LAMTOR3: variants seen among roughly 807,000 people sequenced by gnomAD.
The protein encoded by LAMTOR3 is late endosomal/lysosomal adaptor, MAPK and MTOR activator 3.
Under a neutral mutation model 20.3 loss-of-function variants are expected in LAMTOR3, and 14 were observed. The observed-to-expected ratio is 0.69, with a 90% CI of 0.46 to 1.08. LAMTOR3 has a LOEUF of 1.08. Among genes scored for constraint, LAMTOR3 ranks in the 50% least tolerant of loss-of-function variants. LAMTOR3 has a pLI of 0.00. For missense variants in LAMTOR3, 125 were observed against 143.7 expected, an observed-to-expected ratio of 0.87 and a Z score of 0.67; for synonymous variants, 40 against 49.4, an observed-to-expected ratio of 0.81 and a Z score of 0.80.
chr4:99,890,962 A>T (rs544359438), intron 3 of LAMTOR3, among the ~76,000 whole-genome samples: 2 of 152,322 alleles, frequency 1.3e-5, no homozygotes, highest in African/African-American at 4.8e-5. Flanking sequence ...TGAGATCCCC[A>T]TTGTCTGAAA....
Position 99,893,889 on chromosome 4 carries a change from C to A in LAMTOR3, c.9+66G>T, listed in dbSNP as rs570013140. On this transcript the variant is annotated intron_variant, in intron 2 of 6. Transcript: ENST00000499666. ...TTTCTGTTTGGGAAGTTCTACCTCT[C>A]CCCGCTCAGTATGCCCCTCAAAATT... 7.6e-6 allele frequency: 10 copies of A among 1,307,566 alleles called. No individual in the cohort carries two copies. In the East Asian group the frequency reaches 2.2e-4, roughly 29 times the overall value. The allele number at this position is 1,307,566 out of a possible 1,614,324, so 81.0% of individuals were successfully genotyped here.
In LAMTOR3 at chr4:99,879,484, G is replaced by C. The variant is rs1226310968; in HGVS notation, c.*2510C>G. 6.6e-6 allele frequency: 1 copy of C among 152,034 alleles called. No homozygotes were observed. The highest frequency in any genetic ancestry group is 1.5e-5 in the Non-Finnish European group (1 of 68,004). The allele number at this position is 152,034 out of a possible 1,614,324, so 9.4% of individuals were successfully genotyped here. A position where few individuals can be genotyped will look rare whatever the true frequency, so the allele number is the denominator to read the frequency against. On this transcript the variant is annotated 3_prime_UTR_variant, in exon 7 of 7. Transcript: ENST00000499666. Reference sequence around the variant, plus strand: ...ATTATTATCTGCAAATAGAAATCTGGCCACCTCATTTCTAAAAGACATTGT... The same window carrying C: ...ATTATTATCTGCAAATAGAAATCTGCCCACCTCATTTCTAAAAGACATTGT...
rs1367746811 is a variant in LAMTOR3 at position 99,881,665 on chromosome 4, G to C, written c.*329C>G. On this transcript the variant is annotated 3_prime_UTR_variant, in exon 7 of 7. Transcript: ENST00000499666. ...CAATTGGCAGCACTTAACGGCTCAA[G>C]TGGATCAATGTACCAGTTTGATTCT... The C allele has an allele frequency of 1.8e-5, 4 of 227,154 alleles. No homozygotes were observed. The highest frequency in any genetic ancestry group is 9.2e-5 in the African/African-American group (4 of 43,670). 14.1% of individuals were successfully genotyped at this position (227,154 alleles called of 1,614,324 possible).
At chr4:99,894,166 C>A (rs533130442) in intron 1 of LAMTOR3, among the ~76,000 whole-genome samples, 166 bp from the exon 2 acceptor site, 16 of 152,266 alleles carry the variant, frequency 1.1e-4, no homozygotes, top group African/African-American at 2.6e-4. Flanking sequence ...AGCACCCCCA[C>A]AGGTACTCAG....
At chr4:99,893,302 C>G (rs752160821) in intron 2 of LAMTOR3, among the ~76,000 whole-genome samples, 1 of 152,112 alleles carries the variant, frequency 6.6e-6, no homozygotes, top group African/African-American at 2.4e-5. Context: ...ACTAAGCAAC[C>G]GCATTGGCCA....
chr4:99,890,831 A>G (rs1725008562), intron 3 of LAMTOR3, among the ~76,000 whole-genome samples: 1 of 152,196 alleles, frequency 6.6e-6, no homozygotes, highest in African/African-American at 2.4e-5. Flanking sequence ...TCAACATTAG[A>G]ACTACTCAGT....
At chr4:99,886,507 G>T (rs932959785) in intron 4 of LAMTOR3, among the ~76,000 whole-genome samples, 1 of 152,166 alleles carries the variant, frequency 6.6e-6, no homozygotes, top group Non-Finnish European at 1.5e-5. Flanking sequence ...ACAAATTCAT[G>T]CAGTTTATTA....
chr4:99,893,942 G>A lies in LAMTOR3; in HGVS notation c.9+13C>T, dbSNP rs1371687255. The A allele has an allele frequency of 1.3e-6, 2 of 1,531,132 alleles. No individual in the cohort carries two copies. The highest frequency in any genetic ancestry group is 8.8e-7 in the Non-Finnish European group (1 of 1,133,138). The allele number at this position is 1,531,132 out of a possible 1,614,324, so 94.8% of individuals were successfully genotyped here. A position where few individuals can be genotyped will look rare whatever the true frequency, so the allele number is the denominator to read the frequency against. On this transcript the variant is annotated intron_variant, in intron 2 of 6. Coordinates refer to ENST00000499666, the MANE Select transcript of LAMTOR3 (RefSeq NM_021970.4). ...CCACTCTCCCCTTCCTCTTATGTAGGGGTGTCACTCACATCCGCCATGATG... is the reference window on the plus strand; with the variant it reads ...CCACTCTCCCCTTCCTCTTATGTAGAGGTGTCACTCACATCCGCCATGATG...
chr4:99,891,503 T>G (rs565907126), intron 3 of LAMTOR3, among the ~76,000 whole-genome samples: 2 of 152,216 alleles, frequency 1.3e-5, no homozygotes, highest in Non-Finnish European at 2.9e-5. Flanking sequence ...ATCATTTCTT[T>G]CAAAGTATGT....
intron 3 of LAMTOR3, among the ~76,000 whole-genome samples, chr4:99,891,518 G>T (rs1725022042): frequency 6.6e-6 from 1 of 152,142 alleles, no homozygotes; most frequent in Non-Finnish European, 1.5e-5. Flanking sequence ...GTATGTTGAT[G>T]GTTGGTCACT....
At chr4:99,883,966 C>T in intron 6 of LAMTOR3, 96 bp downstream of exon 6, 1 of 863,920 alleles carries the variant, frequency 1.2e-6, no homozygotes, top group Non-Finnish European at 1.8e-6. Context: ...AGATTTTTGG[C>T]TCTAAATCTA....
At chr4:99,884,967 GA>G (rs1212489841) in intron 5 of LAMTOR3, among the ~76,000 whole-genome samples, 4 of 147,816 alleles carry the variant, frequency 2.7e-5, no homozygotes, top group African/African-American at 7.5e-5. Context: ...CTCTGTCTTG[GA>G]AGAAAAAAAA....
intron 6 of LAMTOR3, among the ~76,000 whole-genome samples, chr4:99,882,901 T>C (rs755972045): frequency 4.6e-5 from 7 of 152,226 alleles, no homozygotes; most frequent in Middle Eastern, 3.4e-3. Context: ...CTTAGTTTAC[T>C]AGAGTGAAAG....
chr4:99,886,812 T>C (rs962158003), intron 4 of LAMTOR3, among the ~76,000 whole-genome samples: 16 of 152,110 alleles, frequency 1.1e-4, no homozygotes, highest in Admixed American at 2.0e-4. Flanking sequence ...ATAGTAAAAA[T>C]TGTCTGAATC....
chr4:99,885,629 T>A lies in LAMTOR3; in HGVS notation c.150A>T (p.Leu50Phe), dbSNP rs1429640025. The A allele has an allele frequency of 6.2e-7, 1 of 1,613,474 alleles. No individual in the cohort carries two copies. Among genetic ancestry groups the A allele is most frequent in the South Asian group, 1.1e-5 (1 of 91,034 alleles). Residue 50 changes from leucine to phenylalanine, a missense_variant, in exon 5 of 7, where the codon TTA becomes TTT. This residue lies in a region of LAMTOR3 where 99 missense variants were observed against 96.0 expected (regional missense o/e 1.03). Coordinates refer to ENST00000499666, the MANE Select transcript of LAMTOR3 (RefSeq NM_021970.4). ...GGTCTGTTGCAAGGGCAAAAGTGGA[T>A]AAGAAACCAGGTCGCAAAGCATGCT... ...APEHALRPGF[L>F]STFALATDQG...
chr4:99,893,291 G>A (rs77261728), intron 2 of LAMTOR3, among the ~76,000 whole-genome samples: 271 of 152,282 alleles, frequency 1.8e-3, no homozygotes, highest in African/African-American at 6.2e-3. Context: ...TGAGATTACA[G>A]ACTAAGCAAC....
intron 3 of LAMTOR3, among the ~76,000 whole-genome samples, chr4:99,890,376 T>C (rs906513614): frequency 6.6e-6 from 1 of 152,212 alleles, no homozygotes; most frequent in Non-Finnish European, 1.5e-5. Context: ...ACACATTCCA[T>C]TAGTATCCGT....
chr4:99,883,170 T>C (rs1724859157), intron 6 of LAMTOR3, among the ~76,000 whole-genome samples: 1 of 151,982 alleles, frequency 6.6e-6, no homozygotes, highest in African/African-American at 2.4e-5. Context: ...TCAGAAAGTG[T>C]TTTTACATAC....
chr4:99,885,455 G>T, intron 5 of LAMTOR3, 87 bp downstream of exon 5: 2 of 1,157,912 alleles, frequency 1.7e-6, no homozygotes, highest in Non-Finnish European at 2.3e-6. Context: ...CTAAAATTGA[G>T]AACTATAACA....
Sources: allele counts gnomAD v4.1 joint callset (sites outside exome capture counted in the v4.1 genomes callset), GRCh38; gene constraint gnomAD v4.1.1; regional missense constraint gnomAD v4.1.1; transcripts MANE v1.5; gene names NCBI Gene and HGNC (gene_info 2026-07-23, HGNC 2026-07-21).